Variants in PUDP observed in about 807,000 individuals in gnomAD.
PUDP encodes the protein pseudouridine 5'-phosphatase.
Under a neutral mutation model 9.4 loss-of-function variants are expected in PUDP, and 8 were observed. The observed-to-expected ratio is 0.85, with a 90% CI of 0.50 to 1.53. PUDP has a LOEUF of 1.53. Ranked by LOEUF, PUDP falls within the 40% of genes most tolerant of loss-of-function variation. The pLI is 0.00. For synonymous variants in PUDP, 99 were observed against 80.7 expected (o/e 1.23, Z -1.22); for missense variants, 188 against 189.7 (o/e 0.99, Z 0.05).
In PUDP at chrX:6,926,922, CT is replaced by C. The variant is rs61299123; in HGVS notation, c.*247+50210del. Among the ~76,000 whole-genome samples, 518 of 66,814 alleles carry C rather than the reference CT, an allele frequency of 7.8e-3. 3 individuals carry two copies. Among genetic ancestry groups the C allele is most frequent in the African/African-American group, 0.024 (392 of 16,113 alleles). 58.0% of individuals were successfully genotyped at this position (66,814 alleles called of 115,157 possible). On this transcript the variant is annotated intron_variant and NMD_transcript_variant, in intron 3 of 3. Coordinates refer to the PUDP transcript ENST00000655425. ...TCTAATGGACACAAGGAGACAATTC[CT>C]TTTTTTTTTTTTTTTTTTTTTTGAG...
At chrX:6,724,213 A>T (rs1466481974), upstream of PUDP, among the ~76,000 whole-genome samples, 1 of 111,592 alleles carries the variant, frequency 9.0e-6, no homozygotes, top group Non-Finnish European at 1.9e-5. Flanking sequence ...AGAGATGGAA[A>T]AAAGCACAAT....
chrX:6,968,766 C>T (rs1233515777), intron 3 of PUDP, among the ~76,000 whole-genome samples: 2 of 110,846 alleles, frequency 1.8e-5, no homozygotes, highest in African/African-American at 6.6e-5. Flanking sequence ...ACTACAGGCA[C>T]GTGCCACCAT....
intron 3 of PUDP, among the ~76,000 whole-genome samples, chrX:6,883,358 C>T (rs6638632): frequency 9.1e-6 from 1 of 109,748 alleles, no homozygotes; most frequent in Non-Finnish European, 1.9e-5. Flanking sequence ...CCCATCTCCA[C>T]TAAAAATACA....
intron 3 of PUDP, among the ~76,000 whole-genome samples, chrX:6,844,298 T>A (rs188554344): frequency 2.7e-5 from 3 of 113,153 alleles, no homozygotes; most frequent in African/African-American, 9.6e-5. Flanking sequence ...CTCCTTGCTA[T>A]GCAACATATA....
At chrX:7,096,777 AG>A (rs1330503681) in intron 2 of PUDP, among the ~76,000 whole-genome samples, 6 of 111,656 alleles carry the variant, frequency 5.4e-5, no homozygotes, top group African/African-American at 1.3e-4. Flanking sequence ...TCGAGGCTGC[AG>A]TGAACTATGA....
At chrX:7,117,532 T>G (rs1412742583) in intron 1 of PUDP, among the ~76,000 whole-genome samples, 1 of 112,844 alleles carries the variant, frequency 8.9e-6, no homozygotes, top group Non-Finnish European at 1.9e-5. Context: ...TGGCTTCTTC[T>G]AACAGACTAC....
chrX:6,772,725 G>A (rs1285585079), intron 3 of PUDP, among the ~76,000 whole-genome samples: 1 of 109,095 alleles, frequency 9.2e-6, no homozygotes, highest in Non-Finnish European at 1.9e-5. Flanking sequence ...GAGCCAAGGA[G>A]TTCAAGACCA....
intron 3 of PUDP, among the ~76,000 whole-genome samples, chrX:6,940,471 C>G (rs1469743227): frequency 8.9e-6 from 1 of 112,329 alleles, no homozygotes; most frequent in Non-Finnish European, 1.9e-5. Context: ...TGCTTCATCA[C>G]TAGGCAAAAT....
chrX:6,715,995 TCCCA>T (rs1924594671), intron 1 of PUDP, among the ~76,000 whole-genome samples: 1 of 110,746 alleles, frequency 9.0e-6, no homozygotes, highest in Admixed American at 9.7e-5. Flanking sequence ...AGAGAAGGGC[TCCCA>T]CGAAACTAGA....
At chrX:6,969,796 T>A (rs770262404) in intron 3 of PUDP, among the ~76,000 whole-genome samples, 2 of 112,119 alleles carry the variant, frequency 1.8e-5, no homozygotes, top group African/African-American at 6.5e-5. Context: ...GTGGGAGGAC[T>A]CTTTGAGCCC....
At chrX:7,084,553 T>C (rs1366501495) in intron 2 of PUDP, among the ~76,000 whole-genome samples, 1 of 111,835 alleles carries the variant, frequency 8.9e-6, no homozygotes, top group Non-Finnish European at 1.9e-5. Flanking sequence ...GGTGTGAGGA[T>C]GGCCCCTGCA....
At chrX:6,917,729 T>C (rs1229647967) in intron 3 of PUDP, among the ~76,000 whole-genome samples, 1 of 111,974 alleles carries the variant, frequency 8.9e-6, no homozygotes, top group East Asian at 2.8e-4. Flanking sequence ...TTAATGACCT[T>C]CCTCTTAAAG....
intron 1 of PUDP, among the ~76,000 whole-genome samples, chrX:7,004,927 G>C (rs191334899): frequency 3.6e-5 from 4 of 112,285 alleles, no homozygotes; most frequent in African/African-American, 1.3e-4. Flanking sequence ...AGCCTTAGAA[G>C]CACAGGAGAC....
intron 2 of PUDP, among the ~76,000 whole-genome samples, chrX:7,098,182 G>C (rs1931626632): frequency 8.9e-6 from 1 of 112,410 alleles, no homozygotes; most frequent in African/African-American, 3.2e-5. Context: ...GTGTTAGTCT[G>C]TTTGTGCTGC....
chrX:6,901,594 C>T (rs1011808602), intron 3 of PUDP, among the ~76,000 whole-genome samples: 4 of 112,233 alleles, frequency 3.6e-5, no homozygotes, highest in African/African-American at 1.3e-4. Flanking sequence ...TTGAATAATG[C>T]AGTCGATAAT....
At chrX:6,897,344 T>A (rs2146749456) in intron 3 of PUDP, among the ~76,000 whole-genome samples, 1 of 112,239 alleles carries the variant, frequency 8.9e-6, no homozygotes, top group East Asian at 2.8e-4. Context: ...AGATAGATAT[T>A]GGAGTAGACT....
At position 7,130,665 on chromosome X, in the gene PUDP, T is replaced by A. The variant is rs921803790; in HGVS notation, c.61+17388A>T. Among the ~76,000 whole-genome samples, 6 of 109,857 alleles carry A rather than the reference T, an allele frequency of 5.5e-5. 1 individual carries two copies. Among genetic ancestry groups the A allele is most frequent in the Admixed American group, 4.9e-4 (5 of 10,263 alleles). On this transcript the variant is annotated intron_variant, in intron 1 of 3. Transcript: ENST00000381077. ...CCCATCTCTACTAAAAATACAAAAA[T>A]TAGCCGGGTGCACGGCTCGAGACCA...
chrX:6,733,809 G>A (rs989385477), intron 3 of PUDP, among the ~76,000 whole-genome samples: 6 of 72,180 alleles, frequency 8.3e-5, no homozygotes, highest in Non-Finnish European at 1.4e-4. Context: ...ATGGAATCTC[G>A]CTCTGTTGCC....
intron 1 of PUDP, among the ~76,000 whole-genome samples, chrX:7,124,733 T>G (rs1483350113): frequency 5.4e-5 from 6 of 110,816 alleles, no homozygotes; most frequent in African/African-American, 2.0e-4. Context: ...GATCACGAGG[T>G]CAGGAGATCG....
Sources: gnomAD v4.1 joint callset for allele counts (sites outside exome capture counted in the v4.1 genomes callset) on GRCh38, gnomAD v4.1.1 for gene constraint, MANE v1.5 for transcripts, NCBI Gene and HGNC (gene_info 2026-07-23, HGNC 2026-07-21) for gene names.